SCAPER: variants seen among roughly 807,000 people sequenced by gnomAD.
The protein encoded by SCAPER is S phase cyclin A-associated protein in the endoplasmic reticulum.
SCAPER carries 98 observed loss-of-function variants against 182.2 expected under a neutral mutation model. The observed-to-expected ratio is 0.54, with a 90% CI of 0.46 to 0.64. SCAPER has a LOEUF of 0.64. Among genes scored for constraint, SCAPER ranks in the 30% least tolerant of loss-of-function variants. SCAPER has a pLI of 0.00. For synonymous variants in SCAPER, 605 were observed against 564.6 expected, an observed-to-expected ratio of 1.07 and a Z score of -1.01; for missense variants, 1,432 against 1,690.0, an observed-to-expected ratio of 0.85 and a Z score of 2.68.
At chr15:76,817,534 G>A (rs12441484) in intron 5 of SCAPER, among the ~76,000 whole-genome samples, 57,929 of 151,804 alleles carry the variant, frequency 0.38, 13,033 homozygotes, top group Middle Eastern at 0.53. Flanking sequence ...ATAACGTATT[G>A]TATACTAAAA....
intron 25 of SCAPER, among the ~76,000 whole-genome samples, chr15:76,449,390 T>C (rs1339313903): frequency 6.6e-6 from 1 of 152,210 alleles, no homozygotes; most frequent in African/African-American, 2.4e-5. Flanking sequence ...GTCTTTGCCC[T>C]AGAAAGTCTC....
intron 22 of SCAPER, among the ~76,000 whole-genome samples, chr15:76,619,677 G>A (rs562357049): frequency 6.6e-6 from 1 of 152,122 alleles, no homozygotes; most frequent in East Asian, 1.9e-4. Flanking sequence ...CCATGCTGGT[G>A]TGCTGCAGCC....
At chr15:76,416,136 T>G (rs997408847) in intron 26 of SCAPER, among the ~76,000 whole-genome samples, 1 of 151,972 alleles carries the variant, frequency 6.6e-6, no homozygotes, top group Non-Finnish European at 1.5e-5. Flanking sequence ...ATAGTAAAAA[T>G]GGCCAGTGAA....
intron 21 of SCAPER, among the ~76,000 whole-genome samples, chr15:76,651,799 G>C (rs1256481317): frequency 6.6e-6 from 1 of 150,610 alleles, no homozygotes; most frequent in Non-Finnish European, 1.5e-5. Flanking sequence ...ACCAGAATTT[G>C]GCAGAGGCAC....
intron 10 of SCAPER, among the ~76,000 whole-genome samples, chr15:76,771,422 T>C (rs2063465774): frequency 6.6e-6 from 1 of 152,126 alleles, no homozygotes; most frequent in African/African-American, 2.4e-5. Context: ...TCTATCAGAA[T>C]GCTAGATGTA....
chr15:76,727,578 T>C (rs1217260727), intron 17 of SCAPER, among the ~76,000 whole-genome samples: 1 of 152,034 alleles, frequency 6.6e-6, no homozygotes, highest in Non-Finnish European at 1.5e-5. Flanking sequence ...AAATACACAA[T>C]AAAACCAATT....
At chr15:76,520,815 C>T (rs980782870) in intron 23 of SCAPER, among the ~76,000 whole-genome samples, 2 of 152,188 alleles carry the variant, frequency 1.3e-5, no homozygotes, top group African/African-American at 4.8e-5. Flanking sequence ...ATATGTCTGA[C>T]TCTAGAATCT....
chr15:76,479,282 C>A (rs1330929594), intron 24 of SCAPER, among the ~76,000 whole-genome samples: 1 of 152,154 alleles, frequency 6.6e-6, no homozygotes, highest in Non-Finnish European at 1.5e-5. Context: ...AAAGATCACT[C>A]CTTTGAACCC....
intron 24 of SCAPER, chr15:76,498,193 C>T (rs1319715039): frequency 2.6e-5 from 4 of 151,992 alleles, no homozygotes; most frequent in East Asian, 1.9e-4. Context: ...TCTCATTTTC[C>T]GTGACTGTAA....
intron 23 of SCAPER, among the ~76,000 whole-genome samples, chr15:76,528,835 C>T (rs1183391431): frequency 6.6e-6 from 1 of 152,150 alleles, no homozygotes; most frequent in Non-Finnish European, 1.5e-5. Context: ...TCTCTAGTCT[C>T]ATCATTTACC....
At chr15:76,706,765 T>C (rs1235799133) in intron 17 of SCAPER, among the ~76,000 whole-genome samples, 2 of 152,104 alleles carry the variant, frequency 1.3e-5, no homozygotes, top group African/African-American at 2.4e-5. Context: ...ACAGCATGCA[T>C]AGCCAGCTTT....
chr15:76,764,321 G>C (rs915137116), intron 14 of SCAPER, among the ~76,000 whole-genome samples: 3 of 152,202 alleles, frequency 2.0e-5, no homozygotes, highest in African/African-American at 7.2e-5. Context: ...GGTGTAGGCA[G>C]TGGCTGCCAG....
intron 23 of SCAPER, among the ~76,000 whole-genome samples, chr15:76,564,247 G>A (rs187295125): frequency 6.6e-6 from 1 of 152,106 alleles, no homozygotes; most frequent in African/African-American, 2.4e-5. Flanking sequence ...CAGATGACAC[G>A]ATCCTATATC....
intron 23 of SCAPER, among the ~76,000 whole-genome samples, chr15:76,512,863 CAG>C (rs36072561): frequency 0.27 from 14,938 of 55,472 alleles, 1,030 homozygotes; most frequent in Admixed American, 0.3. Context: ...GCAGCTTTTC[CAG>C]AAAAAAAAAA....
chr15:76,710,636 A>G (rs1196093872), intron 17 of SCAPER, among the ~76,000 whole-genome samples: 5 of 152,152 alleles, frequency 3.3e-5, no homozygotes, highest in Non-Finnish European at 5.9e-5. Flanking sequence ...AAGGAGATCT[A>G]AACAGAGAGA....
At chr15:76,376,131 G>C in intron 29 of SCAPER, 31 bp downstream of exon 29, 1 of 1,610,464 alleles carries the variant, frequency 6.2e-7, no homozygotes, top group South Asian at 1.1e-5. Context: ...CACTGGGGGA[G>C]CAGTCTAAGG....
intron 21 of SCAPER, among the ~76,000 whole-genome samples, chr15:76,661,804 C>T (rs1598003797): frequency 1.3e-5 from 2 of 152,264 alleles, no homozygotes; most frequent in East Asian, 3.9e-4. Flanking sequence ...CCAGAAACAC[C>T]ATTTGATCTA....
chr15:76,456,197 G>A (rs2048723528), intron 25 of SCAPER, among the ~76,000 whole-genome samples: 1 of 152,150 alleles, frequency 6.6e-6, no homozygotes, highest in African/African-American at 2.4e-5. Flanking sequence ...TGATGGAATT[G>A]CTGGGTCAAA....
At chr15:76,643,930 A>G (rs1274762889) in intron 21 of SCAPER, among the ~76,000 whole-genome samples, 1 of 152,194 alleles carries the variant, frequency 6.6e-6, no homozygotes, top group Non-Finnish European at 1.5e-5. Flanking sequence ...TTTAAAAATG[A>G]TTCCAGATGA....
Sources: allele counts gnomAD v4.1 joint callset (sites outside exome capture counted in the v4.1 genomes callset), GRCh38; gene constraint gnomAD v4.1.1; transcripts MANE v1.5; gene names NCBI Gene and HGNC (gene_info 2026-07-23, HGNC 2026-07-21).